RALYL: variants seen among roughly 807,000 people sequenced by gnomAD.
RALYL encodes the protein RNA-binding Raly-like protein.
Under a neutral mutation model 35.1 loss-of-function variants are expected in RALYL, and 29 were observed. The observed-to-expected ratio is 0.83, with a 90% CI of 0.61 to 1.13. The LOEUF is 1.13. Ranked by LOEUF, RALYL falls within the 50% of genes most tolerant of loss-of-function variation. The pLI, the probability that RALYL is intolerant of heterozygous loss-of-function variation, is 0.00. For synonymous variants in RALYL, 120 were observed against 127.6 expected (o/e 0.94, Z 0.40); for missense variants, 359 against 360.4 (o/e 1.00, Z 0.03).
intron 1 of RALYL, among the ~76,000 whole-genome samples, chr8:84,364,999 A>G (rs974583043): frequency 6.6e-6 from 1 of 152,160 alleles, no homozygotes; most frequent in Non-Finnish European, 1.5e-5. Flanking sequence ...TGTTGCATAA[A>G]TATCCTATGG....
At chr8:84,904,854 A>T (rs1846230443) in intron 8 of RALYL, among the ~76,000 whole-genome samples, 1 of 152,020 alleles carries the variant, frequency 6.6e-6, no homozygotes. Context: ...TCACTGTGGC[A>T]TGTTAGGTGC....
At chr8:84,562,888 GACTC>G (rs1416553607) in intron 2 of RALYL, among the ~76,000 whole-genome samples, 1 of 151,942 alleles carries the variant, frequency 6.6e-6, no homozygotes, top group Non-Finnish European at 1.5e-5. Context: ...TTGGGCACGA[GACTC>G]AATCACCATA....
chr8:84,231,813 G>A (rs999583815), intron 1 of RALYL, among the ~76,000 whole-genome samples: 1 of 151,982 alleles, frequency 6.6e-6, no homozygotes, highest in African/African-American at 2.4e-5. Flanking sequence ...CATATACCAG[G>A]CCCTGTCCAT....
intron 1 of RALYL, among the ~76,000 whole-genome samples, chr8:84,507,937 G>A (rs574411913): frequency 2.0e-5 from 3 of 152,228 alleles, no homozygotes; most frequent in Admixed American, 6.5e-5. Context: ...TATTTAATGA[G>A]TTGATAGCTG....
intron 1 of RALYL, among the ~76,000 whole-genome samples, chr8:84,382,826 T>C (rs1858306662): frequency 6.6e-6 from 1 of 151,718 alleles, no homozygotes; most frequent in Non-Finnish European, 1.5e-5. Flanking sequence ...AAAAGGGTTA[T>C]TTCATTTGTG....
intron 2 of RALYL, among the ~76,000 whole-genome samples, chr8:84,543,986 A>C (rs1371005921): frequency 6.6e-6 from 1 of 152,118 alleles, no homozygotes; most frequent in Non-Finnish European, 1.5e-5. Flanking sequence ...TACACCTATA[A>C]GTCTCAGAAA....
intron 1 of RALYL, among the ~76,000 whole-genome samples, chr8:84,186,785 T>C (rs917765298): frequency 4.6e-5 from 7 of 152,174 alleles, no homozygotes; most frequent in African/African-American, 1.7e-4. Flanking sequence ...TATTGTAGAC[T>C]TGTATTACAT....
At chr8:84,290,574 G>A (rs921863482) in intron 1 of RALYL, among the ~76,000 whole-genome samples, 2 of 152,148 alleles carry the variant, frequency 1.3e-5, no homozygotes, top group African/African-American at 4.8e-5. Flanking sequence ...ACAAGGTAAT[G>A]TCATCAGTTA....
intron 2 of RALYL, among the ~76,000 whole-genome samples, chr8:84,627,541 T>C (rs1409281718): frequency 6.6e-6 from 1 of 150,688 alleles, no homozygotes; most frequent in Admixed American, 6.6e-5. Context: ...TCTTTCTTCC[T>C]GCAGAAGAAA....
intron 2 of RALYL, among the ~76,000 whole-genome samples, chr8:84,662,100 T>C (rs1180061427): frequency 6.6e-6 from 1 of 152,208 alleles, no homozygotes; most frequent in Non-Finnish European, 1.5e-5. Context: ...TGACCTCTTT[T>C]CTAGCTCCCT....
chr8:84,569,188 A>G (rs1225351827), intron 2 of RALYL, among the ~76,000 whole-genome samples: 27 of 151,870 alleles, frequency 1.8e-4, no homozygotes, highest in Non-Finnish European at 8.8e-5. Flanking sequence ...TAGGTCTAAC[A>G]TGTAAGTCTT....
intron 8 of RALYL, among the ~76,000 whole-genome samples, chr8:84,903,083 A>G (rs1845949354): frequency 6.6e-6 from 1 of 152,102 alleles, no homozygotes; most frequent in Non-Finnish European, 1.5e-5. Flanking sequence ...GTGTTTATGC[A>G]TACCCCTTGT....
At chr8:84,752,805 A>T (rs556255347) in intron 2 of RALYL, among the ~76,000 whole-genome samples, 5 of 152,332 alleles carry the variant, frequency 3.3e-5, no homozygotes, top group African/African-American at 1.2e-4. Context: ...GAAACTTGGG[A>T]GCCTCTGCCT....
intron 1 of RALYL, among the ~76,000 whole-genome samples, chr8:84,423,523 T>C (rs184626790): frequency 2.6e-5 from 4 of 152,328 alleles, no homozygotes; most frequent in East Asian, 3.9e-4. Context: ...TCTGTGTCTT[T>C]TAATTGGAGA....
chr8:84,459,131 G>C (rs1330188344), intron 1 of RALYL, among the ~76,000 whole-genome samples: 2 of 151,692 alleles, frequency 1.3e-5, no homozygotes, highest in Non-Finnish European at 2.9e-5. Flanking sequence ...TGAGTTTCTA[G>C]ATTGTATATG....
At chr8:84,578,116 G>A (rs1034927278) in intron 2 of RALYL, among the ~76,000 whole-genome samples, 1 of 152,200 alleles carries the variant, frequency 6.6e-6, no homozygotes, top group Admixed American at 6.5e-5. Flanking sequence ...GAGTGGCAAG[G>A]GGTGCATAAG....
At chr8:84,674,804 C>T (rs943070238) in intron 2 of RALYL, among the ~76,000 whole-genome samples, 6 of 152,034 alleles carry the variant, frequency 3.9e-5, no homozygotes, top group Non-Finnish European at 8.8e-5. Context: ...TAGGTTATTA[C>T]GCATGAAATC....
intron 1 of RALYL, among the ~76,000 whole-genome samples, chr8:84,204,003 A>T (rs934929110): frequency 5.9e-5 from 9 of 151,870 alleles, no homozygotes; most frequent in African/African-American, 2.2e-4. Context: ...GTGTGTGTGT[A>T]TGTGTAATGT....
intron 6 of RALYL, chr8:84,864,789 C>G (rs1179602999): frequency 1.6e-6 from 1 of 613,008 alleles, no homozygotes; most frequent in Non-Finnish European, 3.1e-6. Context: ...TGCTCCAAGC[C>G]AGCCCTGCAG....
Sources: gnomAD v4.1 joint callset for allele counts (sites outside exome capture counted in the v4.1 genomes callset) on GRCh38, gnomAD v4.1.1 for gene constraint, MANE v1.5 for transcripts, NCBI Gene and HGNC (gene_info 2026-07-23, HGNC 2026-07-21) for gene names.